SUPT3H: variants seen among roughly 807,000 people sequenced by gnomAD.
The protein encoded by SUPT3H is transcription initiation protein SPT3 homolog.
SUPT3H carries 44 observed loss-of-function variants against 44.3 expected under a neutral mutation model. The ratio of observed to expected loss-of-function variants is 0.99; its 90% CI spans 0.78 to 1.28. The LOEUF is 1.28. Ranked by LOEUF, SUPT3H falls within the 50% of genes most tolerant of loss-of-function variation. The pLI, the probability that SUPT3H is intolerant of heterozygous loss-of-function variation, is 0.00. For synonymous variants in SUPT3H, 124 were observed against 125.6 expected, an observed-to-expected ratio of 0.99 and a Z score of 0.09; for missense variants, 380 against 387.1, an observed-to-expected ratio of 0.98 and a Z score of 0.15.
chr6:45,159,270 T>C (rs1041798568), intron 2 of SUPT3H: 1 of 152,192 alleles, frequency 6.6e-6, no homozygotes, highest in Non-Finnish European at 1.5e-5. Flanking sequence ...TGATTCCACC[T>C]CTACAGAGGT....
At position 45,149,976 on chromosome 6, in the gene SUPT3H, A is replaced by T. The variant is rs574629494; in HGVS notation, c.102-43970T>A. Reference sequence around the variant, plus strand: ...ATCACCTGAACAATTTTTTTAAAAAAGGTCCAGGCTACATATCAGGTAAAT... The same window carrying T: ...ATCACCTGAACAATTTTTTTAAAAATGGTCCAGGCTACATATCAGGTAAAT... On this transcript the variant is annotated intron_variant, in intron 2 of 10. Coordinates refer to ENST00000371459, the MANE Select transcript of SUPT3H (RefSeq NM_003599.4). Among the ~76,000 whole-genome samples the T allele has an allele frequency of 1.8e-3, 278 of 150,752 alleles. 1 individual carries two copies. Among genetic ancestry groups the T allele is most frequent in the African/African-American group, 6.8e-3 (271 of 40,102 alleles).
chr6:44,984,990 T>A (rs1779581197), intron 6 of SUPT3H, among the ~76,000 whole-genome samples: 1 of 151,744 alleles, frequency 6.6e-6, no homozygotes, highest in South Asian at 2.1e-4. Context: ...TTTTGGGGGA[T>A]GACGGACAGT....
At chr6:45,023,818 T>C (rs1197762209) in intron 3 of SUPT3H, among the ~76,000 whole-genome samples, 18 of 152,170 alleles carry the variant, frequency 1.2e-4, no homozygotes, top group Admixed American at 1.2e-3. Context: ...GCTTAATTCC[T>C]GGGTGATGAA....
In SUPT3H at chr6:45,158,357, T is replaced by C. The variant is rs772378380; in HGVS notation, c.102-52351A>G. ...CTATGTCACCCAAGCTGGAATGTAG[T>C]GGCACTATCTCGGCTCACTGCAACT... On this transcript the variant is annotated intron_variant, in intron 2 of 10. Coordinates refer to ENST00000371459, the MANE Select transcript of SUPT3H (RefSeq NM_003599.4). 1.1e-4 allele frequency among the ~76,000 whole-genome samples: 16 copies of C among 141,844 alleles called. No individual in the cohort carries two copies. In the South Asian group the frequency reaches 1.6e-3, roughly 14 times the overall value. The allele number at this position is 141,844 out of a possible 152,430, so 93.1% of individuals were successfully genotyped here. A position where few individuals can be genotyped will look rare whatever the true frequency, so the allele number is the denominator to read the frequency against.
At chr6:44,887,051 A>T (rs202069207) in intron 10 of SUPT3H, among the ~76,000 whole-genome samples, 5 of 152,106 alleles carry the variant, frequency 3.3e-5, no homozygotes, top group East Asian at 1.9e-4. Flanking sequence ...AGGGATCAAT[A>T]CAACAAGAAG....
chr6:44,903,342 A>C (rs1765428943), intron 10 of SUPT3H, among the ~76,000 whole-genome samples: 1 of 152,168 alleles, frequency 6.6e-6, no homozygotes, highest in South Asian at 2.1e-4. Flanking sequence ...AAAATGATAA[A>C]GGGGATATTA....
At chr6:44,995,648 A>T (rs923718194) in intron 6 of SUPT3H, among the ~76,000 whole-genome samples, 3 of 152,050 alleles carry the variant, frequency 2.0e-5, no homozygotes, top group Non-Finnish European at 4.4e-5. Context: ...ATATTGCTTC[A>T]TACATTCATC....
intron 2 of SUPT3H, among the ~76,000 whole-genome samples, chr6:45,267,552 T>C (rs535844774): frequency 6.6e-6 from 1 of 152,240 alleles, no homozygotes; most frequent in Admixed American, 6.5e-5. Context: ...TTTTAAAAAC[T>C]TGGCTAATAT....
At position 45,046,810 on chromosome 6, in the gene SUPT3H, A is replaced by C. The variant is rs187763183; in HGVS notation, c.187-26178T>G. Among the ~76,000 whole-genome samples the C allele has an allele frequency of 4.6e-5, 7 of 152,330 alleles. No homozygotes were observed. The East Asian group carries it at 1.3e-3, about 29-fold the overall frequency. On this transcript the variant is annotated intron_variant, in intron 3 of 10. Transcript: ENST00000371459. ...AGAGGCTGCAATGAATCTGTAGAAC[A>C]ATTTGGGGAAAAATGATGCCCAACA...
chr6:45,132,614 TATC>T (rs926327602), intron 2 of SUPT3H, among the ~76,000 whole-genome samples: 2 of 152,188 alleles, frequency 1.3e-5, no homozygotes, highest in Non-Finnish European at 2.9e-5. Context: ...CTTGGCAGAT[TATC>T]ATGTCACTAT....
At chr6:44,885,611 T>A (rs1043634787) in intron 10 of SUPT3H, among the ~76,000 whole-genome samples, 2 of 151,988 alleles carry the variant, frequency 1.3e-5, no homozygotes, top group Non-Finnish European at 2.9e-5. Context: ...CAAAAACCCA[T>A]CTGTACATCA....
At chr6:45,037,689 A>T (rs192496093) in intron 3 of SUPT3H, among the ~76,000 whole-genome samples, 1 of 151,514 alleles carries the variant, frequency 6.6e-6, no homozygotes, top group East Asian at 1.9e-4. Flanking sequence ...AATTAATTAA[A>T]TAAAAAAATG....
chr6:45,130,710 C>CAAA (rs1803318892), intron 2 of SUPT3H, among the ~76,000 whole-genome samples: 12 of 37,180 alleles, frequency 3.2e-4, no homozygotes, highest in Non-Finnish European at 4.6e-4. Context: ...AAAAAAAAAC[C>CAAA]ACTTTTTTTT....
chr6:44,964,095 T>C (rs888594934), intron 6 of SUPT3H, among the ~76,000 whole-genome samples: 7 of 152,154 alleles, frequency 4.6e-5, no homozygotes, highest in Non-Finnish European at 7.4e-5. Context: ...TTTGTGTATA[T>C]ATATCTGTTT....
intron 5 of SUPT3H, among the ~76,000 whole-genome samples, chr6:45,004,202 T>C (rs1782391784): frequency 1.3e-5 from 2 of 151,924 alleles, no homozygotes; most frequent in Admixed American, 1.3e-4. Context: ...GCAGAACTGG[T>C]AACATTAACG....
chr6:44,900,540 G>A (rs1332304681), intron 10 of SUPT3H, among the ~76,000 whole-genome samples: 1 of 152,200 alleles, frequency 6.6e-6, no homozygotes, highest in African/African-American at 2.4e-5. Flanking sequence ...CGAACTGGGT[G>A]GAGCCCACCA....
intron 2 of SUPT3H, among the ~76,000 whole-genome samples, chr6:45,343,344 T>C (rs1790216893): frequency 1.3e-5 from 2 of 152,184 alleles, no homozygotes; most frequent in Non-Finnish European, 2.9e-5. Flanking sequence ...CTACTAAAGG[T>C]CCCTAAAGTT....
chr6:44,948,418 C>G (rs1773699797), intron 9 of SUPT3H, among the ~76,000 whole-genome samples: 2 of 152,106 alleles, frequency 1.3e-5, no homozygotes, highest in Non-Finnish European at 2.9e-5. Flanking sequence ...AGAGCTTCTG[C>G]ACAGCAAAAG....
At chr6:44,809,268 C>T (rs966996158), downstream of SUPT3H, 1 of 152,234 alleles carries the variant, frequency 6.6e-6, no homozygotes, top group Non-Finnish European at 1.5e-5. Flanking sequence ...TAAAACTATT[C>T]CTACCATTCC....
Sources: gnomAD v4.1 joint callset for allele counts (sites outside exome capture counted in the v4.1 genomes callset) on GRCh38, gnomAD v4.1.1 for gene constraint, MANE v1.5 for transcripts, NCBI Gene and HGNC (gene_info 2026-07-23, HGNC 2026-07-21) for gene names.